The following POLR3F variants were observed in gnomAD, a reference collection of about 807,000 sequenced individuals.
The protein encoded by POLR3F is DNA-directed RNA polymerase III subunit RPC6.
A neutral mutation model predicts 43.6 loss-of-function variants in POLR3F; 31 were observed. The ratio of observed to expected loss-of-function variants is 0.71; its 90% confidence interval spans 0.53 to 0.96. The LOEUF (loss-of-function observed/expected upper bound fraction) is 0.96, where lower values mean the gene tolerates loss of function less well. POLR3F is among the 40% of genes least tolerant of loss of function. The pLI is 0.00. For synonymous variants in POLR3F, 114 were observed against 132.5 expected (o/e 0.86, Z 0.96); for missense variants, 316 against 391.7 (o/e 0.81, Z 1.63).
chr20:18,470,455 C>A (rs185675052), intron 2 of POLR3F, among the ~76,000 whole-genome samples: 1 of 152,222 alleles, frequency 6.6e-6, no homozygotes, highest in African/African-American at 2.4e-5. Flanking sequence ...GATGATGATA[C>A]ATAAACAAAT....
intron 3 of POLR3F, among the ~76,000 whole-genome samples, chr20:18,473,187 AT>A (rs962107669): frequency 6.6e-6 from 1 of 151,294 alleles, no homozygotes; most frequent in African/African-American, 2.4e-5. Flanking sequence ...CTGTTTTGCA[AT>A]TTGTTTTTTT....
At chr20:18,483,435 A>AT in intron 8 of POLR3F, 46 bp from the exon 9 acceptor site, 1 of 904,648 alleles carries the variant, frequency 1.1e-6, no homozygotes, top group Non-Finnish European at 1.7e-6. Context: ...GGTCTTAGAT[A>AT]TTTTAAAACT....
intron 2 of POLR3F, among the ~76,000 whole-genome samples, chr20:18,470,272 G>T (rs2059741882): frequency 6.6e-6 from 1 of 152,210 alleles, no homozygotes; most frequent in East Asian, 1.9e-4. Context: ...AAGGGCTCTG[G>T]ATGTGGAGAT....
intron 3 of POLR3F, 28 bp downstream of exon 3, chr20:18,472,937 A>G (rs2059761310): frequency 2.9e-6 from 3 of 1,048,668 alleles, no homozygotes; most frequent in Non-Finnish European, 4.3e-6. Context: ...TAATTTTAAG[A>G]AAATGTTTAT....
At chr20:18,481,883 C>A in intron 8 of POLR3F, 73 bp downstream of exon 8, 1 of 889,076 alleles carries the variant, frequency 1.1e-6, no homozygotes, top group Non-Finnish European at 1.8e-6. Flanking sequence ...ACAGAGCAAG[C>A]ACAGCCCAGT....
chr20:18,472,959 G>A (rs754227048), intron 3 of POLR3F, 50 bp downstream of exon 3: 18 of 845,630 alleles, frequency 2.1e-5, no homozygotes, highest in South Asian at 1.6e-4. Flanking sequence ...ATTTGCAAAC[G>A]TATGTGTTGG....
intron 8 of POLR3F, 34 bp from the exon 9 acceptor site, chr20:18,483,447 T>C: frequency 2.9e-6 from 3 of 1,028,840 alleles, no homozygotes; most frequent in Non-Finnish European, 4.3e-6. Context: ...TTTAAAACTT[T>C]AATTTGAATA....
chr20:18,480,854 CTTTT>C (rs1206117250), intron 7 of POLR3F, among the ~76,000 whole-genome samples: 1 of 151,860 alleles, frequency 6.6e-6, no homozygotes, highest in Admixed American at 6.6e-5. Context: ...TTTTGAAATT[CTTTT>C]TTTAAGGACA....
intron 2 of POLR3F, among the ~76,000 whole-genome samples, chr20:18,472,044 C>A (rs1382948817): frequency 6.6e-6 from 1 of 152,142 alleles, no homozygotes; most frequent in Non-Finnish European, 1.5e-5. Context: ...TCTAGTACTT[C>A]CAGAGCCTAG....
chr20:18,473,404 T>G lies in POLR3F; in HGVS notation c.262T>G (p.Ser88Ala). 1 of 1,394,974 alleles carries G rather than the reference T, an allele frequency of 7.2e-7. No homozygotes were observed. Among genetic ancestry groups the G allele is most frequent in the Non-Finnish European group, 1.0e-6 (1 of 981,298 alleles). 86.4% of individuals were successfully genotyped at this position (1,394,974 alleles called of 1,614,324 possible). ...DSQNAGKMKG[S>A]DNQEKLVYQI... Reference sequence around the variant, plus strand: ...ATTCCACTACAGTAAAATGAAGGGATCCGATAACCAAGAAAAACTAGTATA... The same window carrying G: ...ATTCCACTACAGTAAAATGAAGGGAGCCGATAACCAAGAAAAACTAGTATA... Residue 88 changes from serine to alanine, a missense_variant, in exon 4 of 9, where the codon TCC (serine) becomes GCC (alanine). By Grantham distance (99) the Ser-to-Ala change is moderately conservative. This residue lies in a region of POLR3F where 122 missense variants were observed against 133.8 expected (regional missense o/e 0.91). Coordinates refer to ENST00000377603, the MANE Select transcript of POLR3F (RefSeq NM_006466.4).
Position 18,484,149 on chromosome 20 carries a change from A to T in POLR3F, c.*591A>T. The T allele has an allele frequency of 5.0e-6, 2 of 398,602 alleles. No individual in the cohort carries two copies. The highest frequency in any genetic ancestry group is 8.8e-6 in the Non-Finnish European group (2 of 226,064). The allele number at this position is 398,602 out of a possible 1,614,324, so 24.7% of individuals were successfully genotyped here. A position where few individuals can be genotyped will look rare whatever the true frequency, so the allele number is the denominator to read the frequency against. On this transcript the variant is annotated 3_prime_UTR_variant, in exon 9 of 9. Coordinates refer to ENST00000377603, the MANE Select transcript of POLR3F (RefSeq NM_006466.4). Reference sequence around the variant, plus strand: ...ATCAGAAATGTTCTTTTAGGAGATTATGCTACCATACTTACTTCAAACCCA... The same window carrying T: ...ATCAGAAATGTTCTTTTAGGAGATTTTGCTACCATACTTACTTCAAACCCA...
At chr20:18,477,743 A>C (rs1347288234) in intron 5 of POLR3F, among the ~76,000 whole-genome samples, 1 of 152,250 alleles carries the variant, frequency 6.6e-6, no homozygotes, top group Non-Finnish European at 1.5e-5. Flanking sequence ...AAAACTAGAC[A>C]GACTAAAAAG....
intron 5 of POLR3F, among the ~76,000 whole-genome samples, chr20:18,477,431 G>A (rs1257863770): frequency 6.6e-6 from 1 of 152,176 alleles, no homozygotes; most frequent in African/African-American, 2.4e-5. Flanking sequence ...TTGTCCAAAG[G>A]TCAAGCTCTT....
chr20:18,471,765 T>A (rs1358251508), intron 2 of POLR3F, among the ~76,000 whole-genome samples: 1 of 152,188 alleles, frequency 6.6e-6, no homozygotes, highest in Non-Finnish European at 1.5e-5. Context: ...GGCGGATCAC[T>A]AGAGGCCAGG....
chr20:18,473,704 A>C (rs774337153), intron 4 of POLR3F, among the ~76,000 whole-genome samples: 1 of 152,248 alleles, frequency 6.6e-6, no homozygotes. Flanking sequence ...TCTGAGTCAC[A>C]TGAATGTATT....
chr20:18,473,917 G>A (rs1202898941), intron 4 of POLR3F, among the ~76,000 whole-genome samples: 1 of 151,894 alleles, frequency 6.6e-6, no homozygotes, highest in African/African-American at 2.4e-5. Context: ...ATGTCCCTCC[G>A]CAGCTATAGT....
chr20:18,478,872 G>A (rs2059794208), intron 5 of POLR3F, among the ~76,000 whole-genome samples: 1 of 152,184 alleles, frequency 6.6e-6, no homozygotes, highest in Admixed American at 6.5e-5. Context: ...GCTGGGCAGG[G>A]TGGTTCATGC....
intron 2 of POLR3F, among the ~76,000 whole-genome samples, chr20:18,472,577 T>C (rs1028645918): frequency 1.3e-5 from 2 of 151,712 alleles, no homozygotes; most frequent in African/African-American, 4.8e-5. Flanking sequence ...ATATTTTTAT[T>C]TTATATATGT....
Position 18,473,685 on chromosome 20 carries a change from C to T in POLR3F, c.316+227C>T, listed in dbSNP as rs140585190. Among the ~76,000 whole-genome samples, 221 of 152,140 alleles carry T rather than the reference C, an allele frequency of 1.5e-3. 2 individuals are homozygous for T. The highest frequency in any genetic ancestry group is 0.01 in the Middle Eastern group (3 of 294). ...GGCTGTGTCCAGGGATGGAAAAAGA[C>T]GTCTGAATTCTGAGTCACATGAATG... On this transcript the variant is annotated intron_variant, in intron 4 of 8. Transcript: ENST00000377603.
Sources: gnomAD v4.1 joint callset for allele counts (sites outside exome capture counted in the v4.1 genomes callset) on GRCh38, gnomAD v4.1.1 for gene constraint, gnomAD v4.1.1 regional missense constraint, MANE v1.5 for transcripts, NCBI Gene and HGNC (gene_info 2026-07-23, HGNC 2026-07-21) for gene names.